PTPRM: variants seen among roughly 807,000 people sequenced by gnomAD.
PTPRM encodes protein tyrosine phosphatase receptor type M.
A neutral mutation model predicts 186.7 loss-of-function variants in PTPRM; 47 were observed. That is an observed-to-expected ratio of 0.25 (90% CI 0.20 to 0.32). The LOEUF is 0.32. Among genes scored for constraint, PTPRM ranks in the 10% least tolerant of loss-of-function variants. The probability of loss-of-function intolerance (pLI) is 1.00; values close to 1 mark genes in which losing one functional copy is unlikely to be tolerated. For missense variants in PTPRM, 1,494 were observed against 1,865.0 expected, an observed-to-expected ratio of 0.80 and a Z score of 3.66; for synonymous variants, 668 against 674.9, an observed-to-expected ratio of 0.99 and a Z score of 0.16.
intron 23 of PTPRM, among the ~76,000 whole-genome samples, chr18:8,362,392 G>C (rs935325457): frequency 1.3e-5 from 2 of 152,154 alleles, no homozygotes; most frequent in African/African-American, 4.8e-5. Flanking sequence ...GTGTCTTCCT[G>C]CTCCTGTTGA....
At chr18:8,334,230 G>GT (rs1329110965) in intron 22 of PTPRM, among the ~76,000 whole-genome samples, 2 of 152,186 alleles carry the variant, frequency 1.3e-5, no homozygotes, top group African/African-American at 4.8e-5. Flanking sequence ...AGAAGCCTTG[G>GT]TTCTCTTATT....
chr18:7,784,296 C>T (rs1014009726), intron 2 of PTPRM, among the ~76,000 whole-genome samples: 2 of 152,174 alleles, frequency 1.3e-5, no homozygotes, highest in South Asian at 4.1e-4. Flanking sequence ...TCATTCTTGT[C>T]ATACCTAACT....
chr18:7,738,435 A>G (rs984782554), intron 1 of PTPRM, among the ~76,000 whole-genome samples: 60 of 150,524 alleles, frequency 4.0e-4, no homozygotes, highest in African/African-American at 1.4e-3. Context: ...AGTTTATTCA[A>G]CTTTTGGTTT....
chr18:7,636,973 G>C (rs144639260), intron 1 of PTPRM, among the ~76,000 whole-genome samples: 16 of 152,128 alleles, frequency 1.1e-4, no homozygotes, highest in African/African-American at 3.6e-4. Flanking sequence ...TTTGAGACCA[G>C]CTTGGCCAAC....
chr18:8,387,506 A>G (rs1476796380), intron 31 of PTPRM, among the ~76,000 whole-genome samples: 6 of 148,752 alleles, frequency 4.0e-5, no homozygotes, highest in Admixed American at 6.7e-5. Context: ...GCCAAGAGGA[A>G]AAAAAAAAAA....
At chr18:8,302,618 A>G (rs914728052) in intron 20 of PTPRM, among the ~76,000 whole-genome samples, 1 of 152,146 alleles carries the variant, frequency 6.6e-6, no homozygotes, top group Admixed American at 6.5e-5. Context: ...GATGTTGGCT[A>G]GAAAGAAAAT....
chr18:8,309,390 T>C (rs964395625), intron 20 of PTPRM, among the ~76,000 whole-genome samples: 1 of 152,232 alleles, frequency 6.6e-6, no homozygotes, highest in African/African-American at 2.4e-5. Context: ...TGGGCTTTTT[T>C]TCACTTACTG....
chr18:8,157,717 C>T (rs945444331), intron 14 of PTPRM, among the ~76,000 whole-genome samples: 2 of 152,164 alleles, frequency 1.3e-5, no homozygotes, highest in Non-Finnish European at 2.9e-5. Context: ...ATAAGTAAAC[C>T]AAAGGTCCTG....
chr18:7,701,532 G>T (rs917599084), intron 1 of PTPRM, among the ~76,000 whole-genome samples: 1 of 151,954 alleles, frequency 6.6e-6, no homozygotes, highest in African/African-American at 2.4e-5. Flanking sequence ...CCTGGGAGGT[G>T]GAGGTTGCAG....
chr18:7,806,180 A>C (rs749913), intron 2 of PTPRM, among the ~76,000 whole-genome samples: 4,421 of 152,240 alleles, frequency 0.029, 223 homozygotes, highest in African/African-American at 0.1. Context: ...TGATGAGCCA[A>C]ATTTTCATTG....
intron 14 of PTPRM, among the ~76,000 whole-genome samples, chr18:8,225,635 G>A (rs897210008): frequency 1.3e-5 from 2 of 152,174 alleles, no homozygotes; most frequent in African/African-American, 2.4e-5. Flanking sequence ...TAGCCCTGCT[G>A]TCTGCTTACC....
At chr18:8,111,830 C>T (rs1182282392) in intron 11 of PTPRM, among the ~76,000 whole-genome samples, 1 of 152,102 alleles carries the variant, frequency 6.6e-6, no homozygotes, top group Non-Finnish European at 1.5e-5. Context: ...AAGCTTTTAG[C>T]AGAATTAGAA....
intron 1 of PTPRM, among the ~76,000 whole-genome samples, chr18:7,595,683 A>C (rs1027539951): frequency 1.3e-5 from 2 of 152,222 alleles, no homozygotes; most frequent in Admixed American, 6.5e-5. Flanking sequence ...ATGTTACTCT[A>C]TCTGCATTTT....
At chr18:8,159,867 A>T (rs923579986) in intron 14 of PTPRM, among the ~76,000 whole-genome samples, 1 of 152,200 alleles carries the variant, frequency 6.6e-6, no homozygotes, top group Admixed American at 6.5e-5. Flanking sequence ...TTTTTAAAAA[A>T]AAAATTTCAG....
chr18:7,946,160 C>T (rs531097487), intron 5 of PTPRM, among the ~76,000 whole-genome samples: 27 of 152,186 alleles, frequency 1.8e-4, no homozygotes, highest in African/African-American at 6.3e-4. Flanking sequence ...ATGCATAAAT[C>T]CAAAAAGGAG....
intron 7 of PTPRM, among the ~76,000 whole-genome samples, chr18:7,962,385 A>C (rs1481809223): frequency 6.6e-6 from 1 of 152,188 alleles, no homozygotes; most frequent in Non-Finnish European, 1.5e-5. Flanking sequence ...ATACAAATTT[A>C]CGGTGTTGTG....
At chr18:7,761,126 T>C (rs540295267) in intron 1 of PTPRM, among the ~76,000 whole-genome samples, 4 of 152,336 alleles carry the variant, frequency 2.6e-5, no homozygotes, top group African/African-American at 9.6e-5. Context: ...TTTTAGCAAC[T>C]AATTGGTCAT....
In PTPRM at chr18:8,379,223, GC is replaced by G; in HGVS notation, c.3673del (p.Arg1225GlyfsTer47). ...TAGAGGACTGCAGCATCGCACTGTT[GC>G]CCCGGAACCATGAGAAAAACCGGTG... ...RVEDCSIALL[P>X]RNHEKNRCMD... On this transcript the variant is annotated frameshift_variant, in exon 28 of 33. Transcript: ENST00000580170. LOFTEE classifies it high-confidence loss of function. The G allele has an allele frequency of 6.2e-7, 1 of 1,614,042 alleles. No homozygotes were observed. Among genetic ancestry groups the G allele is most frequent in the Non-Finnish European group, 8.5e-7 (1 of 1,179,980 alleles).
intron 24 of PTPRM, among the ~76,000 whole-genome samples, chr18:8,372,082 T>TTTTTTTTTTTTTTTTTTTTAA (rs2095666238): frequency 9.0e-6 from 1 of 111,190 alleles, no homozygotes; most frequent in East Asian, 2.8e-4. Flanking sequence ...TTTTTTTTTT[T>TTTTTTTTTTTTTTTTTTTTAA]AAGACGGAGT....
Sources: gnomAD v4.1 joint callset for allele counts (sites outside exome capture counted in the v4.1 genomes callset) on GRCh38, gnomAD v4.1.1 for gene constraint, MANE v1.5 for transcripts, NCBI Gene and HGNC (gene_info 2026-07-23, HGNC 2026-07-21) for gene names.